Variants in SIPA1L2 observed in about 807,000 individuals in gnomAD.
SIPA1L2 encodes signal-induced proliferation-associated 1-like protein 2.
In SIPA1L2, 56 loss-of-function variants were observed where a neutral mutation model predicts 163.9. The observed-to-expected ratio is 0.34, with a 90% CI of 0.28 to 0.43. SIPA1L2 has a LOEUF of 0.43. Among genes scored for constraint, SIPA1L2 ranks in the 20% least tolerant of loss-of-function variants. The probability of loss-of-function intolerance (pLI) is 1.00; values close to 1 mark genes in which losing one functional copy is unlikely to be tolerated. For missense variants in SIPA1L2, 1,974 were observed against 2,193.5 expected (o/e 0.90, Z 2.00); for synonymous variants, 877 against 865.7 (o/e 1.01, Z -0.23).
chr1:232,576,698 G>A (rs981263555), intron 1 of SIPA1L2, among the ~76,000 whole-genome samples: 1 of 152,214 alleles, frequency 6.6e-6, no homozygotes, highest in African/African-American at 2.4e-5. Flanking sequence ...AAACAGCCAA[G>A]TCGCGAATAC....
At position 232,568,866 on chromosome 1, in the gene SIPA1L2, A is replaced by T. The variant is rs1467241428; in HGVS notation, c.-270+5308T>A. On this transcript the variant is annotated intron_variant, in intron 2 of 22. Transcript: ENST00000674635. ...CTGGAGGACACACAGATCCACAGTC[A>T]TCTCAGCTCACTAGTATTCTCCCAG... 9.8e-5 allele frequency among the ~76,000 whole-genome samples: 15 copies of T among 152,352 alleles called. No individual in the cohort carries two copies. In the East Asian group the frequency reaches 2.9e-3, roughly 29 times the overall value.
At chr1:232,614,587 C>G (rs1387458173) in intron 1 of SIPA1L2, among the ~76,000 whole-genome samples, 2 of 152,228 alleles carry the variant, frequency 1.3e-5, no homozygotes, top group Non-Finnish European at 2.9e-5. Context: ...AAATGCTCAG[C>G]TGTGTTCTTA....
At chr1:232,462,378 C>A in intron 9 of SIPA1L2, 1 of 1,494,942 alleles carries the variant, frequency 6.7e-7, no homozygotes, top group Non-Finnish European at 8.9e-7. Context: ...CATGCTCTGA[C>A]TACATAGATA....
At chr1:232,405,503 C>T (rs1660583401) in intron 19 of SIPA1L2, among the ~76,000 whole-genome samples, 1 of 152,204 alleles carries the variant, frequency 6.6e-6, no homozygotes, top group African/African-American at 2.4e-5. Context: ...ATGTGACCTG[C>T]ACAGCAGAGC....
intron 16 of SIPA1L2, among the ~76,000 whole-genome samples, chr1:232,429,181 C>T (rs1050359460): frequency 3.9e-5 from 6 of 152,156 alleles, no homozygotes; most frequent in African/African-American, 1.2e-4. Context: ...TTTACAGGGA[C>T]AAAACTGGGG....
Position 232,428,421 on chromosome 1 carries a change from C to G in SIPA1L2, c.4400G>C (p.Gly1467Ala). ...CCCTAAGTCACTAACCTTTCTTCGC[C>G]CCTCCTCCACTAAGGGGCTGTCAGG... ...MLPDSPLVEE[G>A]RRKFSFYGNL... is the part of the protein sequence containing the mutation. The change falls in exon 17 of 23, where the codon GGG becomes GCG. Residue 1467 changes from glycine (G) to alanine (A), a missense_variant. By Grantham distance (60) the Gly-to-Ala change is moderately conservative (BLOSUM62 0). Coordinates refer to ENST00000674635, the MANE Select transcript of SIPA1L2 (RefSeq NM_020808.5). The G allele has an allele frequency of 1.3e-6, 2 of 1,546,724 alleles. No individual in the cohort carries two copies. Among genetic ancestry groups the G allele is most frequent in the Non-Finnish European group, 1.7e-6 (2 of 1,149,504 alleles).
At chr1:232,471,557 AT>A in intron 7 of SIPA1L2, 29 bp from the exon 8 acceptor site, 3 of 1,564,904 alleles carry the variant, frequency 1.9e-6, no homozygotes, top group Non-Finnish European at 2.6e-6. Flanking sequence ...AGAGTTACAA[AT>A]AAGTTTTTCT....
Position 232,471,017 on chromosome 1 carries a change from A to T in SIPA1L2, c.2243+354T>A, listed in dbSNP as rs146638144. 1.0e-3 allele frequency among the ~76,000 whole-genome samples: 155 copies of T among 152,322 alleles called. 2 individuals are homozygous for T. Among genetic ancestry groups the T allele is most frequent in the African/African-American group, 3.5e-3 (146 of 41,582 alleles). On this transcript the variant is annotated intron_variant, in intron 8 of 22. Coordinates refer to ENST00000674635, the MANE Select transcript of SIPA1L2 (RefSeq NM_020808.5). ...TTCAGCAGCCCTGCAAAGATCCAAG[A>T]TCTTTGATGAAAAGAAATGTTTTAC...
chr1:232,580,387 T>A (rs1428795707), intron 1 of SIPA1L2, among the ~76,000 whole-genome samples: 1 of 152,182 alleles, frequency 6.6e-6, no homozygotes, highest in African/African-American at 2.4e-5. Context: ...ACCTATATCT[T>A]GCGCTGACCT....
At chr1:232,497,423 C>T (rs1666254633) in intron 3 of SIPA1L2, among the ~76,000 whole-genome samples, 1 of 152,168 alleles carries the variant, frequency 6.6e-6, no homozygotes, top group Non-Finnish European at 1.5e-5. Context: ...GACGCCATGA[C>T]CATTTCACTC....
chr1:232,482,065 C>T (rs1558212081), intron 6 of SIPA1L2, among the ~76,000 whole-genome samples: 1 of 152,170 alleles, frequency 6.6e-6, no homozygotes, highest in Non-Finnish European at 1.5e-5. Flanking sequence ...GAATGCCTTG[C>T]TCATAAAAAT....
chr1:232,515,080 T>C lies in SIPA1L2; in HGVS notation c.260A>G (p.Lys87Arg), dbSNP rs1667162091. ...RARVSEWPPK[K>R]DCSKELTCKA... ...GCATGTTAGCTCCTTGGAACAGTCCTTTTTAGGAGGCCATTCAGACACCCT... is the reference window on the plus strand; with the variant it reads ...GCATGTTAGCTCCTTGGAACAGTCCCTTTTAGGAGGCCATTCAGACACCCT... The change falls in exon 3 of 23, where the codon AAG (lysine) becomes AGG (arginine). Residue 87 changes from lysine (K) to arginine (R), a missense_variant. By Grantham distance (26) the Lys-to-Arg change is conservative. Coordinates refer to ENST00000674635, the MANE Select transcript of SIPA1L2 (RefSeq NM_020808.5). The C allele has an allele frequency of 5.6e-6, 9 of 1,614,044 alleles. No individual in the cohort carries two copies. Among genetic ancestry groups the C allele is most frequent in the South Asian group, 1.1e-5 (1 of 91,090 alleles).
intron 1 of SIPA1L2, among the ~76,000 whole-genome samples, chr1:232,603,053 G>A (rs547246684): frequency 3.9e-5 from 6 of 152,300 alleles, no homozygotes; most frequent in African/African-American, 1.4e-4. Context: ...CATTTCTGAT[G>A]CAGAATTAGC....
At chr1:232,437,846 G>A (rs1662659230) in intron 15 of SIPA1L2, among the ~76,000 whole-genome samples, 1 of 152,148 alleles carries the variant, frequency 6.6e-6, no homozygotes, top group African/African-American at 2.4e-5. Flanking sequence ...CGTGACTGTG[G>A]GAGGTCTGCA....
At chr1:232,596,130 G>A (rs1057170407) in intron 1 of SIPA1L2, among the ~76,000 whole-genome samples, 1 of 152,158 alleles carries the variant, frequency 6.6e-6, no homozygotes, top group Non-Finnish European at 1.5e-5. Context: ...AAGAAAAGAA[G>A]GTTCTAGCTT....
At chr1:232,416,089 C>T (rs1246279033) in intron 18 of SIPA1L2, among the ~76,000 whole-genome samples, 2 of 93,216 alleles carry the variant, frequency 2.1e-5, no homozygotes, top group African/African-American at 3.5e-5. Flanking sequence ...AACACGGGCA[C>T]CACTGTCCCT....
chr1:232,509,637 G>A (rs1666889435), intron 3 of SIPA1L2, among the ~76,000 whole-genome samples: 1 of 152,142 alleles, frequency 6.6e-6, no homozygotes, highest in African/African-American at 2.4e-5. Flanking sequence ...GGCTGAAGCG[G>A]GAATGGGAAT....
rs368860774 is a variant in SIPA1L2 at position 232,439,171 on chromosome 1, A to G, written c.3968T>C (p.Ile1323Thr). ...LYSVHGYAST[I>T]SAGSAAEGSM... ...GCCTTCCGCAGCACTGCCGGCGGAG[A>G]TGGTGGACGCGTAGCCATGCACAGA... Residue 1323 changes from isoleucine (I) to threonine (T), a missense_variant, in exon 15 of 23, where the codon ATC (isoleucine) becomes ACC (threonine). Coordinates refer to ENST00000674635, the MANE Select transcript of SIPA1L2 (RefSeq NM_020808.5). 52 of 1,613,292 alleles carry G rather than the reference A, an allele frequency of 3.2e-5. 1 individual carries two copies. The African/African-American group carries it at 6.7e-4, about 21-fold the overall frequency.
At chr1:232,464,790 C>T (rs754110661) in intron 9 of SIPA1L2, 50 bp downstream of exon 9, 1 of 1,436,506 alleles carries the variant, frequency 7.0e-7, no homozygotes, top group African/African-American at 1.4e-5. Context: ...TATTTTGAAT[C>T]TGGAATTGAA....
Sources: allele counts gnomAD v4.1 joint callset (sites outside exome capture counted in the v4.1 genomes callset), GRCh38; gene constraint gnomAD v4.1.1; transcripts MANE v1.5; gene names NCBI Gene and HGNC (gene_info 2026-07-23, HGNC 2026-07-21).